DNAH5: variants seen among roughly 807,000 people sequenced by gnomAD.
DNAH5 encodes the protein axonemal beta dynein heavy chain 5.
DNAH5 carries 372 observed loss-of-function variants against 518.2 expected under a neutral mutation model. The ratio of observed to expected loss-of-function variants is 0.72; its 90% confidence interval spans 0.66 to 0.78. The LOEUF (loss-of-function observed/expected upper bound fraction) is 0.78, where lower values mean the gene tolerates loss of function less well. Among genes scored for constraint, DNAH5 ranks in the 30% least tolerant of loss-of-function variants. DNAH5 has a pLI of 0.00. For missense variants in DNAH5, 5,523 were observed against 5,687.0 expected (o/e 0.97, Z 0.93); for synonymous variants, 2,039 against 2,025.9 (o/e 1.01, Z -0.17).
rs1429401324 is a variant in DNAH5, at chr5:13,880,702, GA to G, written c.3262+2025del. ...AAAAGGCCATAAGAGATACATAAAA[GA>G]AAAAAAAAGATCCAAAATATATCAC... On this transcript the variant is annotated intron_variant, in intron 21 of 78. Transcript: ENST00000265104. Among the ~76,000 whole-genome samples, 7 of 148,490 alleles carry G rather than the reference GA, an allele frequency of 4.7e-5. No homozygotes were observed. The South Asian group carries it at 6.4e-4, about 13-fold the overall frequency.
At chr5:13,807,569 A>T in intron 47 of DNAH5, 22 bp downstream of exon 47, 1 of 1,612,106 alleles carries the variant, frequency 6.2e-7, no homozygotes, top group Non-Finnish European at 8.5e-7. Flanking sequence ...GGGCTTACTG[A>T]GCCATACCAA....
chr5:13,890,590 CCCT>C (rs1057274993), intron 17 of DNAH5, among the ~76,000 whole-genome samples: 11 of 152,120 alleles, frequency 7.2e-5, no homozygotes, highest in African/African-American at 2.7e-4. Flanking sequence ...GGGAAACCCC[CCCT>C]CAACAAAAAT....
intron 78 of DNAH5, among the ~76,000 whole-genome samples, chr5:13,695,098 A>G (rs1048988102): frequency 6.6e-6 from 1 of 152,244 alleles, no homozygotes; most frequent in African/African-American, 2.4e-5. Flanking sequence ...AGCACTATGC[A>G]TGTATACCTC....
At position 13,886,106 on chromosome 5, in the gene DNAH5, T is replaced by C. The variant is rs1254450684; in HGVS notation, c.2601A>G (p.Gln867=). ...CTAATGAGCTTTTAAAATGTAGTAT[T>C]TGTGCACCATTTACACAAAGATCCT... ...MTKDLCVNGA[Q]ILHFKSSLVE... The change falls in exon 18 of 79, where the codon CAA becomes CAG. Residue 867 remains glutamine, a synonymous_variant. Transcript: ENST00000265104. 1.2e-6 allele frequency: 2 copies of C among 1,600,370 alleles called. No homozygotes were observed. The highest frequency in any genetic ancestry group is 1.7e-4 in the Middle Eastern group (1 of 6,038).
intron 30 of DNAH5, among the ~76,000 whole-genome samples, chr5:13,854,832 A>G (rs1237845166): frequency 3.3e-5 from 5 of 152,226 alleles, no homozygotes; most frequent in African/African-American, 1.2e-4. Context: ...TCCTAAATGT[A>G]TATGCACCCG....
chr5:13,721,778 C>T (rs1745090363), intron 70 of DNAH5, among the ~76,000 whole-genome samples: 1 of 152,164 alleles, frequency 6.6e-6, no homozygotes, highest in South Asian at 2.1e-4. Flanking sequence ...CCACATTTGG[C>T]TCATCCCTTT....
chr5:13,808,759 A>C (rs1760085158), intron 46 of DNAH5, among the ~76,000 whole-genome samples: 1 of 151,980 alleles, frequency 6.6e-6, no homozygotes, highest in African/African-American at 2.4e-5. Flanking sequence ...GGAGATCGAG[A>C]CCATGCTGGC....
At chr5:13,840,854 G>C (rs1765055823) in intron 34 of DNAH5, 52 bp downstream of exon 34, 2 of 1,407,754 alleles carry the variant, frequency 1.4e-6, no homozygotes, top group South Asian at 2.3e-5. Context: ...AATGCAGATA[G>C]TGTCTAGAAT....
chr5:13,885,100 A>G lies in DNAH5; in HGVS notation c.2872T>C (p.Leu958=), dbSNP rs1278849649. The G allele has an allele frequency of 6.2e-7, 1 of 1,614,098 alleles. No individual in the cohort carries two copies. Among genetic ancestry groups the G allele is most frequent in the South Asian group, 1.1e-5 (1 of 91,076 alleles). Residue 958 remains leucine, a synonymous_variant, in exon 19 of 79, where the codon TTA becomes CTA. Transcript: ENST00000265104. The stretch of plus-strand genomic sequence containing the variant: ...TTCTGATGGTTGAAATGAGAGAGTA[A>G]CTCGCGGGCTTCTTCCCCTAACATC... ...TEMLGEEARE[L]LSHFNHQNMD...
chr5:13,900,145 T>C (rs541735636), intron 15 of DNAH5, 61 bp downstream of exon 15: 2 of 1,440,332 alleles, frequency 1.4e-6, no homozygotes, highest in African/African-American at 1.4e-5. Flanking sequence ...CATCACCATA[T>C]TTTTTTATAA....
At chr5:13,816,256 A>T (rs56086952) in intron 42 of DNAH5, among the ~76,000 whole-genome samples, 37,932 of 152,080 alleles carry the variant, frequency 0.25, 5,048 homozygotes, top group East Asian at 0.52. Flanking sequence ...GAAAATGACA[A>T]ACATCAGCAG....
At chr5:13,735,773 T>C (rs775727520) in intron 67 of DNAH5, 45 bp downstream of exon 67, 16 of 1,365,130 alleles carry the variant, frequency 1.2e-5, no homozygotes, top group Non-Finnish European at 1.6e-5. Context: ...ATCATTTTAG[T>C]GCACAGATAT....
At chr5:13,898,533 G>A (rs1462994115) in intron 15 of DNAH5, 6 of 398,428 alleles carry the variant, frequency 1.5e-5, no homozygotes, top group Admixed American at 4.4e-5. Flanking sequence ...GTGGGAAGAC[G>A]ATGGACTACA....
chr5:13,910,583 C>T (rs1042796542), intron 12 of DNAH5, among the ~76,000 whole-genome samples: 3 of 152,186 alleles, frequency 2.0e-5, no homozygotes, highest in Non-Finnish European at 2.9e-5. Context: ...TTGCACCTCA[C>T]TGGGATGAGA....
At chr5:13,859,286 C>A (rs1046465409) in intron 30 of DNAH5, among the ~76,000 whole-genome samples, 166 bp downstream of exon 30, 9 of 152,106 alleles carry the variant, frequency 5.9e-5, no homozygotes, top group African/African-American at 2.2e-4. Context: ...TTCCTTTCCA[C>A]AATTCCTCAC....
chr5:13,987,100 C>T (rs1783106115), intron 1 of DNAH5, among the ~76,000 whole-genome samples: 1 of 152,182 alleles, frequency 6.6e-6, no homozygotes. Flanking sequence ...CAGAAGCCCG[C>T]CAGACTGCTA....
At chr5:13,782,329 CT>C (rs1222473277) in intron 52 of DNAH5, among the ~76,000 whole-genome samples, 1 of 152,144 alleles carries the variant, frequency 6.6e-6, no homozygotes, top group Admixed American at 6.5e-5. Flanking sequence ...GAAAATATGC[CT>C]GGTTTTGAAT....
At chr5:13,949,305 T>C (rs1780183193), upstream of DNAH5, among the ~76,000 whole-genome samples, 1 of 152,196 alleles carries the variant, frequency 6.6e-6, no homozygotes, top group Non-Finnish European at 1.5e-5. Flanking sequence ...TCTTTTTCTT[T>C]ATACAATTGC....
chr5:13,898,456 T>G (rs531891261), intron 15 of DNAH5: 6 of 398,292 alleles, frequency 1.5e-5, no homozygotes, highest in African/African-American at 1.2e-4. Flanking sequence ...TGACTGGTAT[T>G]TTATGAGTCT....
Sources: gnomAD v4.1 joint callset for allele counts (sites outside exome capture counted in the v4.1 genomes callset) on GRCh38, gnomAD v4.1.1 for gene constraint, MANE v1.5 for transcripts, NCBI Gene and HGNC (gene_info 2026-07-23, HGNC 2026-07-21) for gene names.